Variants in SCAPER observed in about 807,000 individuals in gnomAD.
The protein encoded by SCAPER is S-phase cyclin A associated protein in the ER, also known as S phase cyclin A-associated protein in the endoplasmic reticulum.
SCAPER carries 98 observed loss-of-function variants against 182.2 expected under a neutral mutation model. The observed-to-expected ratio is 0.54, with a 90% CI of 0.46 to 0.64. The LOEUF (loss-of-function observed/expected upper bound fraction) is 0.64. Ranked by LOEUF, SCAPER falls within the 30% of genes least tolerant of loss-of-function variation. The probability of loss-of-function intolerance (pLI) is 0.00; values close to 1 mark genes in which losing one functional copy is unlikely to be tolerated. For missense variants in SCAPER, 1,432 were observed against 1,690.0 expected, an observed-to-expected ratio of 0.85 and a Z score of 2.68; for synonymous variants, 605 against 564.6, an observed-to-expected ratio of 1.07 and a Z score of -1.01.
chr15:76,469,210 C>T lies in SCAPER; in HGVS notation c.3078+2002G>A, dbSNP rs183013832. Among the ~76,000 whole-genome samples, 325 of 152,254 alleles carry T rather than the reference C, an allele frequency of 2.1e-3. 1 individual carries two copies. Among genetic ancestry groups the T allele is most frequent in the African/African-American group, 7.5e-3 (311 of 41,568 alleles). ...TTACTTGTTCTGTTCAAAGTAATGT[C>T]TCTTATTCCACTACCAACATAGAAT... is the stretch of plus-strand genomic sequence containing the variant. On this transcript the variant is annotated intron_variant, in intron 25 of 31. Coordinates refer to ENST00000563290, the MANE Select transcript of SCAPER (RefSeq NM_020843.4).
At chr15:76,901,480 T>A (rs568598161) in intron 1 of SCAPER, among the ~76,000 whole-genome samples, 2 of 152,356 alleles carry the variant, frequency 1.3e-5, no homozygotes, top group South Asian at 4.1e-4. Context: ...GTCTGAAACC[T>A]GCTTCAAAAC....
chr15:76,622,017 AC>A (rs1198739017), intron 21 of SCAPER, among the ~76,000 whole-genome samples, 188 bp from the exon 22 acceptor site: 1 of 152,240 alleles, frequency 6.6e-6, no homozygotes, highest in Non-Finnish European at 1.5e-5. Flanking sequence ...AAATAATAAT[AC>A]AAAAAAAGTC....
chr15:76,807,677 T>TC (rs1436456565), intron 5 of SCAPER, among the ~76,000 whole-genome samples: 1 of 100,406 alleles, frequency 1.0e-5, no homozygotes. Context: ...ATGCTATCCC[T>TC]CCCCCCTCCC....
At chr15:76,553,187 C>A (rs895527109) in intron 23 of SCAPER, among the ~76,000 whole-genome samples, 1 of 152,206 alleles carries the variant, frequency 6.6e-6, no homozygotes, top group East Asian at 1.9e-4. Flanking sequence ...CTCCTCTATC[C>A]AACCCAGCTG....
intron 21 of SCAPER, among the ~76,000 whole-genome samples, chr15:76,659,569 C>T (rs750412726): frequency 9.9e-5 from 15 of 152,216 alleles, no homozygotes; most frequent in African/African-American, 2.9e-4. Context: ...CACACCCAAC[C>T]GGAACAGACA....
chr15:76,692,942 T>C (rs1380566443), intron 20 of SCAPER, among the ~76,000 whole-genome samples: 11 of 152,024 alleles, frequency 7.2e-5, no homozygotes, highest in Middle Eastern at 3.4e-3. Context: ...CAAGAAAAAA[T>C]AGAATATTGC....
chr15:76,892,326 A>G (rs1002932141), intron 1 of SCAPER, among the ~76,000 whole-genome samples: 7 of 152,244 alleles, frequency 4.6e-5, no homozygotes, highest in Non-Finnish European at 8.8e-5. Flanking sequence ...GACAAATGGG[A>G]TCTAATTAAA....
At chr15:76,888,296 C>A (rs146478769) in intron 1 of SCAPER, among the ~76,000 whole-genome samples, 1 of 152,174 alleles carries the variant, frequency 6.6e-6, no homozygotes, top group Non-Finnish European at 1.5e-5. Flanking sequence ...CAGCTCCTCA[C>A]CAGCAACAGA....
At position 76,873,323 on chromosome 15, in the gene SCAPER, AAGGAAGGAAGGCAGGCAGGCAGGC is replaced by A. The variant is rs1333443027; in HGVS notation, c.6+10465_6+10488del. The stretch of plus-strand genomic sequence containing the variant: ...GAAGGAAGGAAGGAAGGAAGGAAGG[AAGGAAGGAAGGCAGGCAGGCAGGC>A]AGGCAGGCAGGCAGGCAGGCAGGCA... On this transcript the variant is annotated intron_variant, in intron 2 of 31. Coordinates refer to ENST00000563290, the MANE Select transcript of SCAPER (RefSeq NM_020843.4). Among the ~76,000 whole-genome samples, 382 of 124,964 alleles carry A rather than the reference AAGGAAGGAAGGCAGGCAGGCAGGC, an allele frequency of 3.1e-3. 4 individuals are homozygous for A. The highest frequency in any genetic ancestry group is 5.4e-3 in the African/African-American group (163 of 30,098). 82.0% of individuals were successfully genotyped at this position (124,964 alleles called of 152,430 possible).
intron 5 of SCAPER, among the ~76,000 whole-genome samples, chr15:76,815,263 T>C (rs147775301): frequency 0.013 from 1,958 of 152,278 alleles, 34 homozygotes; most frequent in African/African-American, 0.044. Flanking sequence ...TCTGAGTAGA[T>C]AGCCAAAGAA....
chr15:76,621,380 C>CCT (rs1406613329), intron 22 of SCAPER, among the ~76,000 whole-genome samples: 8 of 152,272 alleles, frequency 5.3e-5, no homozygotes, highest in African/African-American at 1.7e-4. Context: ...AAAGAGATCT[C>CCT]CTCAGAGCAA....
intron 23 of SCAPER, among the ~76,000 whole-genome samples, chr15:76,571,101 T>A (rs1324215928): frequency 6.6e-6 from 1 of 152,156 alleles, no homozygotes; most frequent in Non-Finnish European, 1.5e-5. Flanking sequence ...TTTCATCACC[T>A]TACACGATGA....
At chr15:76,518,612 C>G (rs925743128) in intron 23 of SCAPER, among the ~76,000 whole-genome samples, 1 of 152,084 alleles carries the variant, frequency 6.6e-6, no homozygotes, top group Non-Finnish European at 1.5e-5. Flanking sequence ...TGTTCTCTAG[C>G]ACCTAAAAGG....
intron 6 of SCAPER, among the ~76,000 whole-genome samples, chr15:76,800,716 T>C (rs1429900513): frequency 6.6e-6 from 1 of 152,356 alleles, no homozygotes; most frequent in South Asian, 2.1e-4. Flanking sequence ...AAGGCAATGA[T>C]ACTACTTCAA....
intron 20 of SCAPER, among the ~76,000 whole-genome samples, chr15:76,696,785 C>T (rs1301071935): frequency 6.6e-5 from 10 of 152,132 alleles, no homozygotes; most frequent in Admixed American, 6.5e-4. Context: ...TTTAAAACTA[C>T]TACCCATTTT....
At chr15:76,469,655 T>C (rs1317672092) in intron 25 of SCAPER, among the ~76,000 whole-genome samples, 1 of 152,128 alleles carries the variant, frequency 6.6e-6, no homozygotes, top group Non-Finnish European at 1.5e-5. Flanking sequence ...TCCCCCAACT[T>C]GGGTATGATA....
At position 76,644,506 on chromosome 15, in the gene SCAPER, C is replaced by T. The variant is rs2054375192; in HGVS notation, c.2645+21147G>A. Among the ~76,000 whole-genome samples, 3 of 151,382 alleles carry T rather than the reference C, an allele frequency of 2.0e-5. No homozygotes were observed. The South Asian group carries it at 6.2e-4, about 31-fold the overall frequency. On this transcript the variant is annotated intron_variant, in intron 21 of 31. Transcript: ENST00000563290. Reference sequence around the variant, plus strand: ...TATTTGAGGTCCTCAATAATTTTTACAAATGTAAAAACCTAAAAGTCTGAG... The same window carrying T: ...TATTTGAGGTCCTCAATAATTTTTATAAATGTAAAAACCTAAAAGTCTGAG...
At chr15:76,729,480 T>C (rs1182625695) in intron 16 of SCAPER, among the ~76,000 whole-genome samples, 1 of 152,058 alleles carries the variant, frequency 6.6e-6, no homozygotes, top group Non-Finnish European at 1.5e-5. Flanking sequence ...AGTTAATAGA[T>C]TTTATTTCTG....
chr15:76,763,128 A>G (rs1245808628), intron 14 of SCAPER, among the ~76,000 whole-genome samples: 2 of 152,132 alleles, frequency 1.3e-5, no homozygotes, highest in African/African-American at 2.4e-5. Context: ...CTCCATTAGC[A>G]TTTCTTCTCA....
Sources: gnomAD v4.1 joint callset for allele counts (sites outside exome capture counted in the v4.1 genomes callset) on GRCh38, gnomAD v4.1.1 for gene constraint, MANE v1.5 for transcripts, NCBI Gene and HGNC (gene_info 2026-07-23, HGNC 2026-07-21) for gene names.